The following LINGO2 variants were observed in gnomAD, a reference collection of about 807,000 sequenced individuals.
LINGO2 encodes the protein leucine rich repeat and Ig domain containing 2.
LINGO2 carries 14 observed loss-of-function variants against 30.6 expected under a neutral mutation model. That is an observed-to-expected ratio of 0.46 (90% CI 0.30 to 0.72). The LOEUF is 0.72. Ranked by LOEUF, LINGO2 falls within the 30% of genes least tolerant of loss-of-function variation. The probability of loss-of-function intolerance (pLI) is 0.07; values close to 1 mark genes in which losing one functional copy is unlikely to be tolerated. For synonymous variants in LINGO2, 317 were observed against 288.5 expected (o/e 1.10, Z -1.00); for missense variants, 729 against 751.7 (o/e 0.97, Z 0.35).
chr9:29,184,323 T>C, the LINGO2 span, among the ~76,000 whole-genome samples: 2 of 152,088 alleles, frequency 1.3e-5, no homozygotes, highest in Non-Finnish European at 2.9e-5. Flanking sequence ...AAAAAAAACT[T>C]CATATTGACT....
chr9:28,647,154 C>T (rs1827878670), intron 1 of LINGO2, among the ~76,000 whole-genome samples: 1 of 152,054 alleles, frequency 6.6e-6, no homozygotes, highest in African/African-American at 2.4e-5. Context: ...AAATCCCATT[C>T]AATTCAGTCT....
the LINGO2 span, among the ~76,000 whole-genome samples, chr9:29,181,120 T>C: frequency 2.0e-5 from 3 of 152,168 alleles, no homozygotes; most frequent in Non-Finnish European, 4.4e-5. Flanking sequence ...CAAGATGTAA[T>C]AGAAAGAATG....
chr9:27,953,547 G>T (rs1386138406), intron 5 of LINGO2, among the ~76,000 whole-genome samples: 1 of 151,894 alleles, frequency 6.6e-6, no homozygotes, highest in East Asian at 1.9e-4. Flanking sequence ...GAATAGTGGG[G>T]GTGGTTATCC....
the LINGO2 span, among the ~76,000 whole-genome samples, chr9:28,883,827 G>A: frequency 0.041 from 6,173 of 149,660 alleles, 195 homozygotes; most frequent in Admixed American, 0.082. Context: ...ACAGACATGC[G>A]CCACCACACC....
chr9:27,950,321 T>C (rs773954613), exon 6 of LINGO2: 6 of 1,614,170 alleles, frequency 3.7e-6, no homozygotes, highest in South Asian at 2.2e-5. Context: ...GGACCAGCTT[T>C]AGACGATTGC....
the LINGO2 span, among the ~76,000 whole-genome samples, chr9:28,823,521 C>G: frequency 2.0e-5 from 3 of 152,110 alleles, no homozygotes; most frequent in Middle Eastern, 3.2e-3. Context: ...GCTTTGATCA[C>G]AAGAGTATGG....
chr9:28,814,695 G>T, the LINGO2 span, among the ~76,000 whole-genome samples: 1 of 152,148 alleles, frequency 6.6e-6, no homozygotes, highest in Non-Finnish European at 1.5e-5. Context: ...AGACCAGCCT[G>T]GCCAACACAG....
chr9:28,646,645 G>A (rs951153831), intron 1 of LINGO2, among the ~76,000 whole-genome samples: 1 of 152,002 alleles, frequency 6.6e-6, no homozygotes, highest in African/African-American at 2.4e-5. Context: ...CACTGTTGAA[G>A]GGAGAAGATA....
At chr9:28,252,490 G>T (rs925632809) in intron 4 of LINGO2, among the ~76,000 whole-genome samples, 7 of 152,072 alleles carry the variant, frequency 4.6e-5, no homozygotes, top group African/African-American at 1.7e-4. Context: ...CTCCCAAAAT[G>T]CTGGGATTAC....
intron 1 of LINGO2, among the ~76,000 whole-genome samples, chr9:28,562,783 T>G (rs1194504731): frequency 6.6e-6 from 1 of 152,120 alleles, no homozygotes; most frequent in Non-Finnish European, 1.5e-5. Flanking sequence ...ATTTTACATA[T>G]AGTTACCACA....
At chr9:28,179,071 C>A (rs778730309) in intron 4 of LINGO2, among the ~76,000 whole-genome samples, 4 of 151,826 alleles carry the variant, frequency 2.6e-5, no homozygotes, top group Non-Finnish European at 5.9e-5. Flanking sequence ...CAGCATGGAG[C>A]AAGTGTTAAA....
the LINGO2 span, among the ~76,000 whole-genome samples, chr9:28,973,421 T>C: frequency 6.6e-6 from 1 of 152,148 alleles, no homozygotes. Context: ...CCTTGAATTG[T>C]AATAATCCCC....
chr9:27,972,006 C>G (rs16912142), intron 5 of LINGO2, among the ~76,000 whole-genome samples: 2 of 152,046 alleles, frequency 1.3e-5, no homozygotes, highest in African/African-American at 4.8e-5. Context: ...TGTTAGTGCT[C>G]ATGTTTGTTT....
chr9:29,096,776 C>T, the LINGO2 span, among the ~76,000 whole-genome samples: 18 of 139,930 alleles, frequency 1.3e-4, no homozygotes, highest in Admixed American at 7.3e-5. Flanking sequence ...AGTGCATCTC[C>T]GGTGAGTACA....
chr9:28,265,112 G>C (rs1264622189), intron 4 of LINGO2, among the ~76,000 whole-genome samples: 1 of 151,766 alleles, frequency 6.6e-6, no homozygotes, highest in African/African-American at 2.4e-5. Context: ...CCCCACAATT[G>C]TAAGAGCTAA....
the LINGO2 span, among the ~76,000 whole-genome samples, chr9:29,164,713 TAC>T: frequency 7.9e-5 from 12 of 151,446 alleles, no homozygotes; most frequent in Admixed American, 3.3e-4. Context: ...ATAACACACA[TAC>T]ACACACACAC....
At chr9:29,095,100 G>A in the LINGO2 span, among the ~76,000 whole-genome samples, 1 of 138,428 alleles carries the variant, frequency 7.2e-6, no homozygotes, top group Middle Eastern at 3.5e-3. Flanking sequence ...CCTTCACAAG[G>A]AGTGCTTCTC....
At chr9:27,964,818 A>T (rs1222501294) in intron 5 of LINGO2, among the ~76,000 whole-genome samples, 2 of 152,052 alleles carry the variant, frequency 1.3e-5, no homozygotes, top group Admixed American at 6.6e-5. Context: ...GTAAATCTCC[A>T]TTCTGGCTTG....
chr9:28,123,625 AC>A (rs1827159136), intron 4 of LINGO2, among the ~76,000 whole-genome samples: 1 of 151,972 alleles, frequency 6.6e-6, no homozygotes. Flanking sequence ...CAAAATGTGA[AC>A]CCTTCTATAA....
Sources: allele counts gnomAD v4.1 joint callset (sites outside exome capture counted in the v4.1 genomes callset), GRCh38; gene constraint gnomAD v4.1.1; transcripts MANE v1.5; gene names NCBI Gene and HGNC (gene_info 2026-07-23, HGNC 2026-07-21).